The following APP variants were observed in gnomAD, a reference collection of about 807,000 sequenced individuals.
The protein encoded by APP is amyloid-beta precursor protein.
APP carries 31 observed loss-of-function variants against 101.4 expected under a neutral mutation model. That is an observed-to-expected ratio of 0.31 (90% CI 0.23 to 0.41). The LOEUF is 0.41. APP is among the 10% of genes least tolerant of loss of function. The probability of loss-of-function intolerance (pLI) is 1.00; values close to 1 mark genes in which losing one functional copy is unlikely to be tolerated. For missense variants in APP, 839 were observed against 1,003.7 expected (o/e 0.84, Z 2.22); for synonymous variants, 366 against 364.4 (o/e 1.00, Z -0.05).
intron 8 of APP, among the ~76,000 whole-genome samples, chr21:25,986,695 C>T (rs976026560): frequency 3.9e-5 from 6 of 152,034 alleles, no homozygotes; most frequent in Non-Finnish European, 7.4e-5. Context: ...AGCGAAACTC[C>T]GTCTCAAACA....
intron 13 of APP, among the ~76,000 whole-genome samples, chr21:25,927,194 C>G (rs1369548719): frequency 6.6e-6 from 1 of 152,126 alleles, no homozygotes. Flanking sequence ...TGGAGCAGGG[C>G]TGAAAAGCTC....
intron 9 of APP, among the ~76,000 whole-genome samples, chr21:25,981,329 T>C (rs2042422963): frequency 6.6e-6 from 1 of 152,254 alleles, no homozygotes; most frequent in African/African-American, 2.4e-5. Context: ...AAATTTCTCC[T>C]ATCTTCTGAT....
chr21:26,170,304 C>A (rs2063716772), intron 1 of APP, among the ~76,000 whole-genome samples: 1 of 152,280 alleles, frequency 6.6e-6, no homozygotes, highest in East Asian at 1.9e-4. Flanking sequence ...GCCCCCTACC[C>A]TTCTCGCCCC....
At chr21:26,078,090 A>G (rs1229572160) in intron 3 of APP, among the ~76,000 whole-genome samples, 1 of 152,222 alleles carries the variant, frequency 6.6e-6, no homozygotes, top group African/African-American at 2.4e-5. Flanking sequence ...CCTGAAAAAA[A>G]GCATATTCTT....
chr21:25,903,325 T>C lies in APP; in HGVS notation c.1963+1699A>G, dbSNP rs1038023793. 1.2e-4 allele frequency among the ~76,000 whole-genome samples: 17 copies of C among 142,848 alleles called. 1 individual carries two copies. In the East Asian group the frequency reaches 1.6e-3, roughly 14 times the overall value. The allele number at this position is 142,848 out of a possible 152,430, so 93.7% of individuals were successfully genotyped here. A position where few individuals can be genotyped will look rare whatever the true frequency, so the allele number is the denominator to read the frequency against. On this transcript the variant is annotated intron_variant, in intron 15 of 17. Transcript: ENST00000346798. ...CAGAGGTTGCAGTGAGTTGAGATCG[T>C]GCCACTCCACTCCAGCCTGGGGGAC...
At chr21:26,079,522 C>T (rs899508999) in intron 3 of APP, among the ~76,000 whole-genome samples, 3 of 152,124 alleles carry the variant, frequency 2.0e-5, no homozygotes, top group Non-Finnish European at 4.4e-5. Context: ...GTATTAATTC[C>T]TCATACAGGG....
intron 5 of APP, among the ~76,000 whole-genome samples, chr21:26,041,520 G>A (rs2045370391): frequency 6.6e-6 from 1 of 152,190 alleles, no homozygotes; most frequent in South Asian, 2.1e-4. Context: ...CCTTAGCACT[G>A]AATAATCCAA....
intron 13 of APP, among the ~76,000 whole-genome samples, chr21:25,941,125 C>T (rs2040559072): frequency 6.6e-6 from 1 of 152,188 alleles, no homozygotes; most frequent in African/African-American, 2.4e-5. Flanking sequence ...AATTCACTGA[C>T]ATGTACACAT....
At chr21:26,170,492 G>C (rs2063722966) in intron 1 of APP, 72 bp downstream of exon 1, 2 of 1,470,850 alleles carry the variant, frequency 1.4e-6, no homozygotes, top group African/African-American at 1.4e-5. Context: ...TTAAAGACTT[G>C]GGTTAAGGTC....
intron 3 of APP, among the ~76,000 whole-genome samples, chr21:26,085,552 C>A (rs2061686980): frequency 6.6e-6 from 1 of 152,182 alleles, no homozygotes; most frequent in Non-Finnish European, 1.5e-5. Context: ...TTAAAGTCTA[C>A]AATAAAAATG....
At chr21:25,891,077 A>G (rs1569013006) in intron 17 of APP, among the ~76,000 whole-genome samples, 2 of 152,160 alleles carry the variant, frequency 1.3e-5, no homozygotes. Context: ...TTATTCGTAA[A>G]TTTTCTTTCT....
intron 16 of APP, among the ~76,000 whole-genome samples, chr21:25,892,667 TA>T (rs2037772811): frequency 6.6e-6 from 1 of 152,238 alleles, no homozygotes; most frequent in Non-Finnish European, 1.5e-5. Context: ...GGATTAAACA[TA>T]AAAATAATTT....
At chr21:25,944,043 C>A (rs2040699593) in intron 13 of APP, among the ~76,000 whole-genome samples, 1 of 151,886 alleles carries the variant, frequency 6.6e-6, no homozygotes, top group East Asian at 1.9e-4. Context: ...TGCCCCCCCC[C>A]AACCAAAAGC....
At position 25,958,499 on chromosome 21, in the gene APP, C is replaced by A. The variant is rs1005848050; in HGVS notation, c.1459-2744G>T. On this transcript the variant is annotated intron_variant, in intron 11 of 17. Transcript: ENST00000346798. ...TCGCCATGTTAGCCAGGATGGTCTC[C>A]ATCTCCTGACCTCGTGATCTGCCCG... 6.6e-5 allele frequency among the ~76,000 whole-genome samples: 10 copies of A among 152,176 alleles called. No individual in the cohort carries two copies. In the South Asian group the frequency reaches 1.2e-3, roughly 19 times the overall value.
intron 5 of APP, among the ~76,000 whole-genome samples, chr21:26,046,287 G>A (rs571027701): frequency 1.3e-5 from 2 of 152,108 alleles, no homozygotes; most frequent in African/African-American, 4.8e-5. Flanking sequence ...GTGAACACCT[G>A]TAATCCCAAT....
chr21:25,904,326 TTTC>T (rs756046473), intron 15 of APP, among the ~76,000 whole-genome samples: 6 of 152,202 alleles, frequency 3.9e-5, no homozygotes, highest in Non-Finnish European at 7.3e-5. Flanking sequence ...TAAAAATGTG[TTTC>T]TTCTTAATGT....
intron 6 of APP, among the ~76,000 whole-genome samples, chr21:26,016,929 G>T (rs1479432657): frequency 1.5e-4 from 3 of 19,484 alleles, no homozygotes; most frequent in African/African-American, 5.3e-4. Flanking sequence ...CCAGCACTTT[G>T]TGGGGGGCGG....
intron 1 of APP, among the ~76,000 whole-genome samples, chr21:26,119,709 TAC>T (rs1327578973): frequency 2.0e-5 from 3 of 151,950 alleles, no homozygotes; most frequent in African/African-American, 4.8e-5. Context: ...CACACACATA[TAC>T]ACACAGTTTA....
At chr21:26,012,886 T>C (rs2043872926) in intron 6 of APP, among the ~76,000 whole-genome samples, 1 of 151,912 alleles carries the variant, frequency 6.6e-6, no homozygotes, top group Admixed American at 6.6e-5. Context: ...GGCAGGAGAA[T>C]TGAGAATTGC....
Sources: gnomAD v4.1 joint callset for allele counts (sites outside exome capture counted in the v4.1 genomes callset) on GRCh38, gnomAD v4.1.1 for gene constraint, MANE v1.5 for transcripts, NCBI Gene and HGNC (gene_info 2026-07-23, HGNC 2026-07-21) for gene names.